Variants in CAPZA2 observed in about 807,000 individuals in gnomAD.
The protein encoded by CAPZA2 is F-actin-capping protein subunit alpha-2.
In CAPZA2, 13 loss-of-function variants were observed where a neutral mutation model predicts 44.0. The ratio of observed to expected loss-of-function variants is 0.30; its 90% CI spans 0.19 to 0.47. The LOEUF is 0.47. Ranked by LOEUF, CAPZA2 falls within the 20% of genes least tolerant of loss-of-function variation. The pLI, the probability that CAPZA2 is intolerant of heterozygous loss-of-function variation, is 1.00. For missense variants in CAPZA2, 244 were observed against 338.6 expected (o/e 0.72, Z 2.19); for synonymous variants, 94 against 108.2 (o/e 0.87, Z 0.81).
rs138960044 is a variant in CAPZA2 at position 116,879,630 on chromosome 7, G to A, written c.40-8497G>A. On this transcript the variant is annotated intron_variant, in intron 1 of 9. Coordinates refer to ENST00000361183, the MANE Select transcript of CAPZA2 (RefSeq NM_006136.3). ...ATTCCTATGAGAATCTCATGCTGCTGCTGATCTGACAGGAGACAGAGTGCA... is the reference window on the plus strand; with the variant it reads ...ATTCCTATGAGAATCTCATGCTGCTACTGATCTGACAGGAGACAGAGTGCA... Among the ~76,000 whole-genome samples the A allele has an allele frequency of 8.0e-3, 1,212 of 152,242 alleles. 4 individuals are homozygous for A. Among genetic ancestry groups the A allele is most frequent in the South Asian group, 0.014 (69 of 4,824 alleles).
chr7:116,890,501 T>G, intron 2 of CAPZA2, among the ~76,000 whole-genome samples: 2 of 93,062 alleles, frequency 2.1e-5, no homozygotes, highest in Admixed American at 1.4e-4. Flanking sequence ...TGAAACCCTG[T>G]CTCTACTTAA....
chr7:116,872,627 A>G (rs923004420), intron 1 of CAPZA2, among the ~76,000 whole-genome samples: 1 of 152,244 alleles, frequency 6.6e-6, no homozygotes, highest in African/African-American at 2.4e-5. Context: ...ATAAAGTTCA[A>G]AAAAGTGGTT....
chr7:116,889,353 C>T (rs534727589), intron 2 of CAPZA2, among the ~76,000 whole-genome samples: 3 of 152,208 alleles, frequency 2.0e-5, no homozygotes, highest in Non-Finnish European at 2.9e-5. Flanking sequence ...CTTCAGTTTC[C>T]GTTTTTTAAA....
chr7:116,888,900 A>T (rs1796798003), intron 2 of CAPZA2, among the ~76,000 whole-genome samples: 1 of 152,166 alleles, frequency 6.6e-6, no homozygotes, highest in South Asian at 2.1e-4. Context: ...TGTGAAAGGA[A>T]TTTTTGTATT....
In CAPZA2 at chr7:116,892,974, A is replaced by G. The variant is rs754766168; in HGVS notation, c.104-20A>G. ...GAAACATATAACAATAATAATGTAG[A>G]TAACATAATTGTTTTGCAGATGTTC... On this transcript the variant is annotated intron_variant, in intron 2 of 9. Transcript: ENST00000361183. 7.7e-6 allele frequency: 12 copies of G among 1,550,662 alleles called. No homozygotes were observed. Among genetic ancestry groups the G allele is most frequent in the Non-Finnish European group, 3.5e-6 (4 of 1,128,018 alleles).
chr7:116,867,206 C>T (rs1796493604), intron 1 of CAPZA2, among the ~76,000 whole-genome samples: 1 of 152,198 alleles, frequency 6.6e-6, no homozygotes, highest in African/African-American at 2.4e-5. Context: ...TTTCACTGTA[C>T]AAACAGAATG....
At chr7:116,907,191 C>A (rs1046132664) in intron 6 of CAPZA2, among the ~76,000 whole-genome samples, 1 of 152,202 alleles carries the variant, frequency 6.6e-6, no homozygotes, top group Non-Finnish European at 1.5e-5. Flanking sequence ...TGCTCCACTG[C>A]TTAGCCATCT....
At chr7:116,907,534 G>A (rs949295604) in intron 6 of CAPZA2, among the ~76,000 whole-genome samples, 6 of 152,088 alleles carry the variant, frequency 3.9e-5, no homozygotes, top group Admixed American at 1.3e-4. Context: ...TTTTTACTAC[G>A]TTCTTCTTTA....
chr7:116,907,373 G>A (rs1156301303), intron 6 of CAPZA2, among the ~76,000 whole-genome samples: 5 of 152,138 alleles, frequency 3.3e-5, no homozygotes, highest in African/African-American at 1.2e-4. Flanking sequence ...TATAAGTGTA[G>A]TTTCTCTGTG....
rs999532119 is a variant in CAPZA2 at position 116,911,473 on chromosome 7, C to G, written c.586-596C>G. ...TATATATTTCTACAGCTATTACTCT[C>G]CCCAACTTCACATACCTCTAGTCCT... On this transcript the variant is annotated intron_variant, in intron 7 of 9. Transcript: ENST00000361183. Among the ~76,000 whole-genome samples the G allele has an allele frequency of 5.9e-5, 9 of 152,300 alleles. No individual in the cohort carries two copies. The South Asian group carries it at 1.9e-3, about 32-fold the overall frequency.
Position 116,910,329 on chromosome 7 carries a change from T to G in CAPZA2, c.585+18T>G, listed in dbSNP as rs548106157. 1.7e-6 allele frequency: 2 copies of G among 1,169,772 alleles called. No homozygotes were observed. Among genetic ancestry groups the G allele is most frequent in the Non-Finnish European group, 2.6e-6 (2 of 775,394 alleles). 72.5% of individuals were successfully genotyped at this position (1,169,772 alleles called of 1,614,324 possible). ...AAATTCAGGTATGAAAAATAATTTGTTTACTGATCTTTAGATGATTCTGAA... is the reference window on the plus strand; with the variant it reads ...AAATTCAGGTATGAAAAATAATTTGGTTACTGATCTTTAGATGATTCTGAA... On this transcript the variant is annotated intron_variant, in intron 7 of 9. Transcript: ENST00000361183.
At chr7:116,913,150 T>C (rs974333743) in intron 8 of CAPZA2, among the ~76,000 whole-genome samples, 6 of 152,250 alleles carry the variant, frequency 3.9e-5, no homozygotes, top group African/African-American at 1.4e-4. Flanking sequence ...TACTGAGTTG[T>C]ACTTGTTCAT....
chr7:116,890,628 TAGC>T (rs1796832964), intron 2 of CAPZA2, among the ~76,000 whole-genome samples: 1 of 122,966 alleles, frequency 8.1e-6, no homozygotes, highest in African/African-American at 3.1e-5. Context: ...ATACAAAAAT[TAGC>T]AGGGTGTGGG....
At chr7:116,868,556 A>G (rs1796510542) in intron 1 of CAPZA2, among the ~76,000 whole-genome samples, 1 of 152,134 alleles carries the variant, frequency 6.6e-6, no homozygotes, top group African/African-American at 2.4e-5. Flanking sequence ...AACATGGTGA[A>G]ACCCTGTCTG....
chr7:116,915,144 A>C (rs1205863520), intron 8 of CAPZA2, among the ~76,000 whole-genome samples: 1 of 152,032 alleles, frequency 6.6e-6, no homozygotes, highest in Non-Finnish European at 1.5e-5. Context: ...CTCCACTAAA[A>C]ATACAAAAAT....
chr7:116,914,432 T>TACACACACACACACACACACAC (rs71148345), intron 8 of CAPZA2, among the ~76,000 whole-genome samples: 1 of 145,140 alleles, frequency 6.9e-6, no homozygotes, highest in South Asian at 2.2e-4. Flanking sequence ...TATACATACA[T>TACACACACACACACACACACAC]ACACACACAC....
chr7:116,883,335 A>C (rs1226207919), intron 1 of CAPZA2, among the ~76,000 whole-genome samples: 1 of 152,182 alleles, frequency 6.6e-6, no homozygotes, highest in Non-Finnish European at 1.5e-5. Flanking sequence ...TTTTAAAATT[A>C]AAGTCAGCGA....
rs933377766 is a variant in CAPZA2 at position 116,910,274 on chromosome 7, C to A, written c.548C>A (p.Pro183His). The A allele has an allele frequency of 1.9e-6, 3 of 1,600,980 alleles. No homozygotes were observed. The African/African-American group carries it at 4.0e-5, about 21-fold the overall frequency. Residue 183 changes from proline (P) to histidine (H), a missense_variant, in exon 7 of 10, where the codon CCT (proline) becomes CAT (histidine). Coordinates refer to ENST00000361183, the MANE Select transcript of CAPZA2 (RefSeq NM_006136.3). ...TCAGAATGGAAGTTTACAATCACTC[C>A]TTCAACCACTCAAGTGGTTGGCATC... The part of the protein sequence containing the change: ...WRSEWKFTIT[P>H]STTQVVGILK...
At chr7:116,892,187 A>G (rs752315406) in intron 2 of CAPZA2, among the ~76,000 whole-genome samples, 4 of 152,118 alleles carry the variant, frequency 2.6e-5, no homozygotes, top group African/African-American at 4.8e-5. Flanking sequence ...TAGTCTTTTT[A>G]CATTTAACCA....
Sources: allele counts gnomAD v4.1 joint callset (sites outside exome capture counted in the v4.1 genomes callset), GRCh38; gene constraint gnomAD v4.1.1; transcripts MANE v1.5; gene names NCBI Gene and HGNC (gene_info 2026-07-23, HGNC 2026-07-21).